The following NMRK2 variants were observed in gnomAD, a reference collection of about 807,000 sequenced individuals.
The protein encoded by NMRK2 is nicotinamide riboside kinase 2, also known as NRK 2.
NMRK2 carries 34 observed loss-of-function variants against 24.7 expected under a neutral mutation model. The ratio of observed to expected loss-of-function variants is 1.37; its 90% CI spans 1.05 to 1.83. The LOEUF (loss-of-function observed/expected upper bound fraction) is 1.83, where lower values mean the gene tolerates loss of function less well. NMRK2 is among the 40% of genes most tolerant of loss of function. NMRK2 has a pLI of 0.00. For synonymous variants in NMRK2, 145 were observed against 125.6 expected, an observed-to-expected ratio of 1.15 and a Z score of -1.03; for missense variants, 341 against 315.0, an observed-to-expected ratio of 1.08 and a Z score of -0.62.
intron 2 of NMRK2, among the ~76,000 whole-genome samples, chr19:3,934,719 T>C (rs2039184123): frequency 1.3e-5 from 2 of 151,982 alleles, no homozygotes; most frequent in South Asian, 2.1e-4. Flanking sequence ...GTAGCTGGGA[T>C]TACAGGCGTG....
intron 2 of NMRK2, among the ~76,000 whole-genome samples, chr19:3,934,567 G>GA (rs1434679206): frequency 1.5e-5 from 2 of 129,208 alleles, no homozygotes; most frequent in East Asian, 2.1e-4. Flanking sequence ...TTTTTTTTTG[G>GA]GGGGGGGGTG....
In NMRK2 at chr19:3,937,295, A is replaced by G; in HGVS notation, c.166+7A>G. ...GGCTTCAAACAGTGGGACGGTAAGG[A>G]CAAGCATCACCTCCAAGCCCCACTA... is the stretch of plus-strand genomic sequence containing the variant. On this transcript the variant is annotated splice_region_variant and intron_variant, in intron 4 of 7. Transcript: ENST00000168977. 1 of 1,612,740 alleles carries G rather than the reference A, an allele frequency of 6.2e-7. No individual in the cohort carries two copies. The highest frequency in any genetic ancestry group is 2.2e-5 in the East Asian group (1 of 44,874).
intron 2 of NMRK2, among the ~76,000 whole-genome samples, chr19:3,935,170 C>T (rs2039192403): frequency 6.6e-6 from 1 of 151,946 alleles, no homozygotes; most frequent in Non-Finnish European, 1.5e-5. Flanking sequence ...CAGGTGGGAG[C>T]CACCACACCT....
chr19:3,937,870 T>A (rs1337630416), intron 4 of NMRK2, among the ~76,000 whole-genome samples: 1 of 105,752 alleles, frequency 9.5e-6, no homozygotes, highest in African/African-American at 3.8e-5. Context: ...CCGTCCACTG[T>A]TCCCCCGGGG....
intron 2 of NMRK2, among the ~76,000 whole-genome samples, chr19:3,935,133 C>A (rs1335050856): frequency 6.6e-6 from 1 of 151,976 alleles, no homozygotes; most frequent in African/African-American, 2.4e-5. Flanking sequence ...AATCCTCCTG[C>A]CTCAGCCTCT....
At chr19:3,941,249 C>T (rs1599165883) in intron 7 of NMRK2, 72 bp downstream of exon 7, 4 of 275,278 alleles carry the variant, frequency 1.5e-5, no homozygotes, top group African/African-American at 2.7e-5. Context: ...CCCTCTCCAT[C>T]TTTTTTTTTT....
chr19:3,935,830 C>T (rs919080274), intron 2 of NMRK2, among the ~76,000 whole-genome samples: 2 of 152,042 alleles, frequency 1.3e-5, no homozygotes, highest in African/African-American at 2.4e-5. Flanking sequence ...TTCGGCCTCC[C>T]AAAGTGCTGG....
intron 5 of NMRK2, 47 bp from the exon 6 acceptor site, chr19:3,939,853 G>T: frequency 1.9e-6 from 3 of 1,556,884 alleles, no homozygotes; most frequent in Non-Finnish European, 2.7e-6. Context: ...GACTGCGGTT[G>T]AAGGAAAGCT....
intron 2 of NMRK2, among the ~76,000 whole-genome samples, chr19:3,935,102 C>G (rs1485752922): frequency 6.6e-6 from 1 of 151,978 alleles, no homozygotes; most frequent in Non-Finnish European, 1.5e-5. Flanking sequence ...CTAGGCTGGT[C>G]TGAAACTCCC....
intron 7 of NMRK2, 75 bp from the exon 8 acceptor site, chr19:3,942,008 C>A: frequency 8.0e-7 from 1 of 1,255,146 alleles, no homozygotes; most frequent in Non-Finnish European, 1.1e-6. Context: ...TGCTCCTGAC[C>A]CAGCCGTCCA....
At position 3,939,925 on chromosome 19, in the gene NMRK2, C is replaced by T. The variant is rs762210846; in HGVS notation, c.349C>T (p.Arg117Trp). The change falls in exon 6 of 8, where the codon CGG becomes TGG. Residue 117 changes from arginine (R) to tryptophan (W), a missense_variant. Transcript: ENST00000168977. ...YKPLVDLYSR[R>W]YFLTVPYEEC... The stretch of plus-strand genomic sequence containing the variant: ...GCCCCTGGTGGACTTGTACAGCCGC[C>T]GGTACTTCCTGACCGTCCCGTATGA... The T allele has an allele frequency of 1.6e-5, 26 of 1,612,270 alleles. No homozygotes were observed. The highest frequency in any genetic ancestry group is 4.0e-5 in the African/African-American group (3 of 74,814).
chr19:3,938,734 G>GA lies in NMRK2; in HGVS notation c.300dup (p.Gly101ArgfsTer25), dbSNP rs1169347689. ...CTCGGACACCCACATCCTCCTCCTG[G>GA]AAGGCTTCCTGCTCTACAGCTACAA... On this transcript the variant is annotated frameshift_variant, in exon 5 of 8. Transcript: ENST00000168977. LOFTEE classifies it high-confidence loss of function. 3.1e-6 allele frequency: 5 copies of GA among 1,605,334 alleles called. No homozygotes were observed. In the Admixed American group the frequency reaches 5.1e-5, roughly 16 times the overall value.
intron 4 of NMRK2, among the ~76,000 whole-genome samples, chr19:3,937,876 C>G (rs1218507686): frequency 9.2e-6 from 1 of 109,190 alleles, no homozygotes; most frequent in Non-Finnish European, 1.9e-5. Context: ...ACTGTTCCCC[C>G]GGGGTCCACC....
intron 1 of NMRK2, 109 bp from the exon 2 acceptor site, chr19:3,933,349 A>C: frequency 3.8e-5 from 13 of 341,156 alleles, no homozygotes; most frequent in Non-Finnish European, 3.5e-5. Context: ...GGAGGGGGTA[A>C]GAAGGGGAGG....
At chr19:3,937,326 C>T (rs753756914) in intron 4 of NMRK2, 38 bp downstream of exon 4, 4 of 1,587,510 alleles carry the variant, frequency 2.5e-6, no homozygotes, top group African/African-American at 2.7e-5. Flanking sequence ...CACTATCCCC[C>T]GGGGTCCGCC....
chr19:3,933,363 G>C (rs1323325736), intron 1 of NMRK2, 95 bp from the exon 2 acceptor site: 11 of 438,758 alleles, frequency 2.5e-5, no homozygotes, highest in Non-Finnish European at 4.5e-5. Flanking sequence ...GGGGAGGAGA[G>C]GGGAGGAGGG....
chr19:3,941,294 G>C (rs1335720012), intron 7 of NMRK2, 117 bp downstream of exon 7: 5 of 593,182 alleles, frequency 8.4e-6, no homozygotes, highest in Admixed American at 6.1e-5. Context: ...CTGTCACCCA[G>C]GCTGGAGTAC....
At chr19:3,937,908 G>C (rs1215811311) in intron 4 of NMRK2, among the ~76,000 whole-genome samples, 12 of 79,338 alleles carry the variant, frequency 1.5e-4, no homozygotes, top group South Asian at 4.5e-4. Flanking sequence ...CCCGCTCCCC[G>C]TCCACTGTTC....
chr19:3,933,709 G>A lies in NMRK2; in HGVS notation c.26+12G>A, dbSNP rs910357634. ...GTGGGCATCGGAGGGTGAGCGCCGG[G>A]GGACCTGGTGGGCGGCCCTGCGGGG... On this transcript the variant is annotated intron_variant, in intron 2 of 7. Coordinates refer to ENST00000168977, the MANE Select transcript of NMRK2 (RefSeq NM_170678.3). 1 of 1,428,800 alleles carries A rather than the reference G, an allele frequency of 7.0e-7. No homozygotes were observed. The highest frequency in any genetic ancestry group is 1.5e-5 in the African/African-American group (1 of 67,656). 88.5% of individuals were successfully genotyped at this position (1,428,800 alleles called of 1,614,324 possible).
Sources: allele counts gnomAD v4.1 joint callset (sites outside exome capture counted in the v4.1 genomes callset), GRCh38; gene constraint gnomAD v4.1.1; transcripts MANE v1.5; gene names NCBI Gene and HGNC (gene_info 2026-07-23, HGNC 2026-07-21).